ANO2: variants seen among roughly 807,000 people sequenced by gnomAD.
ANO2 encodes the protein anoctamin 2.
ANO2 carries 101 observed loss-of-function variants against 124.2 expected under a neutral mutation model. That is an observed-to-expected ratio of 0.81 (90% CI 0.69 to 0.96). The LOEUF (loss-of-function observed/expected upper bound fraction) is 0.96, where lower values mean the gene tolerates loss of function less well. ANO2 is among the 40% of genes least tolerant of loss of function. The pLI is 0.00. For synonymous variants in ANO2, 486 were observed against 482.5 expected (o/e 1.01, Z -0.09); for missense variants, 1,293 against 1,274.5 (o/e 1.01, Z -0.22).
chr12:5,816,234 A>T (rs1953605920), intron 7 of ANO2, among the ~76,000 whole-genome samples: 1 of 151,962 alleles, frequency 6.6e-6, no homozygotes, highest in Non-Finnish European at 1.5e-5. Context: ...ACCCCTTATA[A>T]GCCAGAAAGA....
intron 9 of ANO2, among the ~76,000 whole-genome samples, chr12:5,800,991 C>A (rs1327684359): frequency 6.6e-6 from 1 of 152,056 alleles, no homozygotes; most frequent in Non-Finnish European, 1.5e-5. Flanking sequence ...GAAGGAGAGG[C>A]CCAGTGATGT....
At chr12:5,606,098 T>C (rs1404877225) in intron 19 of ANO2, among the ~76,000 whole-genome samples, 2 of 152,172 alleles carry the variant, frequency 1.3e-5, no homozygotes, top group East Asian at 1.9e-4. Context: ...TTGTTTCCCA[T>C]CTCCAGGGTC....
intron 14 of ANO2, among the ~76,000 whole-genome samples, chr12:5,682,977 G>A (rs1948560908): frequency 6.6e-6 from 1 of 152,158 alleles, no homozygotes. Flanking sequence ...GTGACCATGA[G>A]TACTGGGGAC....
chr12:5,864,797 T>A (rs2137271161), intron 3 of ANO2, among the ~76,000 whole-genome samples: 1 of 152,240 alleles, frequency 6.6e-6, no homozygotes. Flanking sequence ...GACAAGCAAA[T>A]CACAGGATCA....
At chr12:5,696,821 A>G (rs1371805007) in intron 14 of ANO2, among the ~76,000 whole-genome samples, 1 of 152,256 alleles carries the variant, frequency 6.6e-6, no homozygotes, top group African/African-American at 2.4e-5. Flanking sequence ...TAAGATTTGC[A>G]TTAGTGAAGT....
At chr12:5,835,868 A>G (rs1188893503) in intron 4 of ANO2, among the ~76,000 whole-genome samples, 1 of 152,244 alleles carries the variant, frequency 6.6e-6, no homozygotes, top group African/African-American at 2.4e-5. Context: ...GACAGAAAGA[A>G]GACCACCTCA....
chr12:5,718,975 G>A (rs1161994106), intron 14 of ANO2, among the ~76,000 whole-genome samples: 1 of 152,174 alleles, frequency 6.6e-6, no homozygotes, highest in Non-Finnish European at 1.5e-5. Flanking sequence ...TGCTGTCTCT[G>A]GGTTGCTTGC....
intron 3 of ANO2, among the ~76,000 whole-genome samples, chr12:5,854,408 A>AC (rs1160139749): frequency 6.6e-6 from 1 of 151,422 alleles, no homozygotes; most frequent in African/African-American, 2.4e-5. Flanking sequence ...CAAAAAAAAA[A>AC]AAAAAAAAAA....
rs11063863 is a variant in ANO2, at chr12:5,787,194, C to T, written c.1055+12313G>A. ...TCCTGTTAGACACAAAAAGCACAAT[C>T]CCAGTTCCTTTCCAGTGCCCCAGCC... On this transcript the variant is annotated intron_variant, in intron 10 of 24. Coordinates refer to ENST00000682330, the MANE Select transcript of ANO2 (RefSeq NM_001364791.2). This position sits in a 1 kb window ranked among gnomAD's most constrained non-coding sequence, Gnocchi z 4.2. Among the ~76,000 whole-genome samples, 22,511 of 152,106 alleles carry T rather than the reference C, an allele frequency of 0.15. 1,840 individuals are homozygous for T. The highest frequency in any genetic ancestry group is 0.21 in the African/African-American group (8,910 of 41,474).
At chr12:5,717,001 G>A (rs1361958571) in intron 14 of ANO2, among the ~76,000 whole-genome samples, 3 of 152,224 alleles carry the variant, frequency 2.0e-5, no homozygotes, top group African/African-American at 7.2e-5. Context: ...AAAAACCTGA[G>A]AAGTATTTTT....
intron 3 of ANO2, chr12:5,858,584 C>A (rs1955177097): frequency 1.3e-5 from 2 of 152,118 alleles, no homozygotes; most frequent in South Asian, 4.1e-4. Context: ...GGAGCTTAGG[C>A]AAGTCACTTA....
chr12:5,849,079 C>T (rs1954782724), intron 4 of ANO2, among the ~76,000 whole-genome samples: 2 of 152,190 alleles, frequency 1.3e-5, no homozygotes, highest in Admixed American at 6.5e-5. Context: ...CATCTACTTG[C>T]GTGCAAAGGA....
intron 13 of ANO2, among the ~76,000 whole-genome samples, chr12:5,733,510 C>T (rs1365983751): frequency 6.6e-6 from 1 of 152,236 alleles, no homozygotes; most frequent in Non-Finnish European, 1.5e-5. Flanking sequence ...TTATCGATAA[C>T]TCCTGGGCAG....
rs538713897 is a variant in ANO2 at position 5,799,523 on chromosome 12, G to C, written c.1039C>G (p.Pro347Ala). The change falls in exon 10 of 25, where the codon CCT (proline) becomes GCT (alanine). Residue 347 changes from proline (P) to alanine (A), a missense_variant. Transcript: ENST00000682330. ...ACCTCTTACCTGATGAGGTCAATAG[G>C]TTGGAACTTATAGAACACTCCATAG... is the stretch of plus-strand genomic sequence containing the variant. ...ARYGVFYKFQ[P>A]IDLIRKYFGE... The C allele has an allele frequency of 6.2e-7, 1 of 1,613,766 alleles. No homozygotes were observed. The highest frequency in any genetic ancestry group is 8.5e-7 in the Non-Finnish European group (1 of 1,179,842).
chr12:5,584,743 T>C (rs1486633716), intron 20 of ANO2, among the ~76,000 whole-genome samples: 2 of 152,138 alleles, frequency 1.3e-5, no homozygotes, highest in Non-Finnish European at 2.9e-5. Context: ...ATTGTACACA[T>C]AAATAGGAAA....
Position 5,787,656 on chromosome 12 carries a change from G to A in ANO2, c.1055+11851C>T, listed in dbSNP as rs1176553260. On this transcript the variant is annotated intron_variant, in intron 10 of 24. Coordinates refer to ENST00000682330, the MANE Select transcript of ANO2 (RefSeq NM_001364791.2). This position sits in a 1 kb window ranked among gnomAD's most constrained non-coding sequence, Gnocchi z 4.2. ...CACAGCAAACATCTAACTGTTAGCT[G>A]TTGTCATTATTTTCCTCATCTTTGC... Among the ~76,000 whole-genome samples the A allele has an allele frequency of 6.6e-6, 1 of 152,218 alleles. No individual in the cohort carries two copies. The highest frequency in any genetic ancestry group is 1.5e-5 in the Non-Finnish European group (1 of 68,046).
chr12:5,640,900 A>T (rs1474659383), intron 15 of ANO2, among the ~76,000 whole-genome samples: 3 of 152,174 alleles, frequency 2.0e-5, no homozygotes, highest in Admixed American at 6.5e-5. Flanking sequence ...TTATAAATCA[A>T]TCTACTATAA....
rs548669983 is a variant in ANO2, at chr12:5,658,196, T to C, written c.1546-10395A>G. Among the ~76,000 whole-genome samples, 3 of 152,322 alleles carry C rather than the reference T, an allele frequency of 2.0e-5. No individual in the cohort carries two copies. In the East Asian group the frequency reaches 5.8e-4, roughly 29 times the overall value. On this transcript the variant is annotated intron_variant, in intron 14 of 24. Transcript: ENST00000682330. The surrounding 1 kb of genome is among the most constrained non-coding windows in gnomAD (Gnocchi z 4.3). ...CCAGCTTGCACGCTAATTGAACGTG[T>C]GACTTCAGGCATGTTACCAACTTCT... is the stretch of plus-strand genomic sequence containing the variant.
intron 3 of ANO2, among the ~76,000 whole-genome samples, chr12:5,875,871 T>C (rs1371049784): frequency 6.6e-6 from 1 of 151,410 alleles, no homozygotes; most frequent in African/African-American, 2.4e-5. Context: ...TTTCAAGAGG[T>C]CAGGAAAATC....
Sources: gnomAD v4.1 joint callset for allele counts (sites outside exome capture counted in the v4.1 genomes callset) on GRCh38, gnomAD v4.1.1 for gene constraint, Gnocchi (gnomAD v3.1) non-coding constraint, MANE v1.5 for transcripts, NCBI Gene and HGNC (gene_info 2026-07-23, HGNC 2026-07-21) for gene names.